The following DHX37 variants were observed in gnomAD, a reference collection of about 807,000 sequenced individuals.
The protein encoded by DHX37 is probable ATP-dependent RNA helicase DHX37.
DHX37 carries 52 observed loss-of-function variants against 134.3 expected under a neutral mutation model. That is an observed-to-expected ratio of 0.39 (90% CI 0.31 to 0.49). The LOEUF (loss-of-function observed/expected upper bound fraction) is 0.49. Among genes scored for constraint, DHX37 ranks in the 20% least tolerant of loss-of-function variants. The pLI is 0.93. For missense variants in DHX37, 1,344 were observed against 1,580.8 expected (o/e 0.85, Z 2.54); for synonymous variants, 634 against 670.7 (o/e 0.95, Z 0.85).
chr12:124,963,665 C>T (rs1254437067), intron 15 of DHX37, among the ~76,000 whole-genome samples: 5 of 149,162 alleles, frequency 3.4e-5, no homozygotes, highest in Admixed American at 6.7e-5. Flanking sequence ...GTCAGGAGAT[C>T]GAGACCATCC....
chr12:124,969,797 C>A (rs923349645), intron 8 of DHX37, among the ~76,000 whole-genome samples: 1 of 151,930 alleles, frequency 6.6e-6, no homozygotes, highest in African/African-American at 2.4e-5. Context: ...CACAGAGTGA[C>A]CATGGTCCAG....
chr12:124,987,299 C>T (rs1047952710), intron 1 of DHX37, among the ~76,000 whole-genome samples: 2 of 152,058 alleles, frequency 1.3e-5, no homozygotes, highest in Admixed American at 6.5e-5. Context: ...GCAGAGATCA[C>T]GCCACTGCAC....
In DHX37 at chr12:124,949,053, C is replaced by T. The variant is rs371304564; in HGVS notation, c.3291-872G>A. Among the ~76,000 whole-genome samples the T allele has an allele frequency of 2.4e-4, 37 of 152,310 alleles. No individual in the cohort carries two copies. Among genetic ancestry groups the T allele is most frequent in the African/African-American group, 8.4e-4 (35 of 41,560 alleles). ...TGAATCTGCCCAGTGAGGCTCTCCC[C>T]GACCAGCCCAGTCGCACTCCACCCC... On this transcript the variant is annotated intron_variant, in intron 25 of 26. Transcript: ENST00000308736. The surrounding 1 kb of genome is among the most constrained non-coding windows in gnomAD (Gnocchi z 4.0).
Position 124,980,877 on chromosome 12 carries a change from C to T in DHX37, c.390-39G>A, listed in dbSNP as rs1954746320. On this transcript the variant is annotated intron_variant, in intron 3 of 26. Transcript: ENST00000308736. The surrounding 1 kb of genome is among the most constrained non-coding windows in gnomAD (Gnocchi z 5.3). ...AGAGACTTCAGGCACAGAGGCCCCA[C>T]CTCAATCCCAGAGGTCAGGACTCCA... is the stretch of plus-strand genomic sequence containing the variant. 4 of 1,534,960 alleles carry T rather than the reference C, an allele frequency of 2.6e-6. No homozygotes were observed. The highest frequency in any genetic ancestry group is 2.7e-5 in the African/African-American group (2 of 72,774).
At chr12:124,982,729 T>C in intron 2 of DHX37, 106 bp from the exon 3 acceptor site, 4 of 1,460,058 alleles carry the variant, frequency 2.7e-6, no homozygotes, top group Non-Finnish European at 2.8e-6. Flanking sequence ...CTGGAGTCTT[T>C]AAAATCGGCG....
chr12:124,976,142 G>C (rs1299430390), intron 5 of DHX37, among the ~76,000 whole-genome samples: 9 of 152,236 alleles, frequency 5.9e-5, no homozygotes, highest in Non-Finnish European at 8.8e-5. Flanking sequence ...GTGGAGGATA[G>C]TTCCTGTGTG....
chr12:124,987,666 C>A (rs1179986397), intron 1 of DHX37, among the ~76,000 whole-genome samples: 1 of 152,228 alleles, frequency 6.6e-6, no homozygotes, highest in Non-Finnish European at 1.5e-5. Flanking sequence ...ATTACCATCT[C>A]CAAAACTCTG....
At chr12:124,969,600 C>T (rs1954474321) in intron 8 of DHX37, among the ~76,000 whole-genome samples, 1 of 151,856 alleles carries the variant, frequency 6.6e-6, no homozygotes, top group Non-Finnish European at 1.5e-5. Context: ...TCCTGATGGC[C>T]CCCAAAGACA....
At chr12:124,966,250 T>C (rs548313838) in intron 12 of DHX37, among the ~76,000 whole-genome samples, 7 of 152,190 alleles carry the variant, frequency 4.6e-5, no homozygotes, top group Non-Finnish European at 7.3e-5. Context: ...GTATTTTTAG[T>C]AGAGACAGGG....
rs755250640 is a variant in DHX37 at position 124,980,654 on chromosome 12, C to T, written c.574G>A (p.Val192Met). 6.2e-7 allele frequency: 1 copy of T among 1,603,740 alleles called. No homozygotes were observed. Among genetic ancestry groups the T allele is most frequent in the Non-Finnish European group, 8.5e-7 (1 of 1,177,314 alleles). The part of the protein sequence containing the change: ...DPAAEPAEAG[V>M]GTTVAPLPPA... Reference sequence around the variant, plus strand: ...GGCAGAGGTGCCACGGTGGTCCCCACACCAGCCTCAGCCGGCTCAGCAGCT... The same window carrying T: ...GGCAGAGGTGCCACGGTGGTCCCCATACCAGCCTCAGCCGGCTCAGCAGCT... The change falls in exon 4 of 27, where the codon GTG (valine) becomes ATG (methionine). Residue 192 changes from valine (V) to methionine (M), a missense_variant. This residue lies in a region of DHX37 where 319 missense variants were observed against 296.1 expected (regional missense o/e 1.08). Transcript: ENST00000308736. The surrounding 1 kb of genome is among the most constrained non-coding windows in gnomAD (Gnocchi z 5.3).
chr12:124,955,269 G>A (rs1287067148), intron 18 of DHX37, among the ~76,000 whole-genome samples: 1 of 152,204 alleles, frequency 6.6e-6, no homozygotes, highest in Non-Finnish European at 1.5e-5. Flanking sequence ...CTGATCCACT[G>A]AGGGCCCAAG....
In DHX37 at chr12:124,989,025, C is replaced by A; in HGVS notation, c.-3G>T. 7.3e-7 allele frequency: 1 copy of A among 1,365,348 alleles called. No homozygotes were observed. Among genetic ancestry groups the A allele is most frequent in the Non-Finnish European group, 9.5e-7 (1 of 1,051,916 alleles). 84.6% of individuals were successfully genotyped at this position (1,365,348 alleles called of 1,614,324 possible). A position where few individuals can be genotyped will look rare whatever the true frequency, so the allele number is the denominator to read the frequency against. ...TAGCGCCGGCGCAGCTTCCCCATGG[C>A]GACTAGGCCAGGGTGGGCGCTCCAG... On this transcript the variant is annotated 5_prime_UTR_variant, in exon 1 of 27. Transcript: ENST00000308736.
At chr12:124,952,756 A>G (rs1954000652) in intron 20 of DHX37, 186 bp from the exon 21 acceptor site, 1 of 460,478 alleles carries the variant, frequency 2.2e-6, no homozygotes, top group East Asian at 3.6e-5. Context: ...CCGCCCCCCC[A>G]TTCCCTCCTT....
chr12:124,980,677 G>C lies in DHX37; in HGVS notation c.551C>G (p.Ala184Gly), dbSNP rs1360241422. The stretch of plus-strand genomic sequence containing the variant: ...CACACCAGCCTCAGCCGGCTCAGCA[G>C]CTGGGTCCTCGTCCAGCTCCGACTC... ...EEESELDEDP[A>G]AEPAEAGVGT... Residue 184 changes from alanine to glycine, a missense_variant, in exon 4 of 27, where the codon GCT becomes GGT. Ala to Gly is a moderately conservative substitution (Grantham distance 60). Around this residue, in one of 7 missense-constraint regions of DHX37, gnomAD observed 319 missense variants for 296.1 expected, o/e 1.08. Coordinates refer to ENST00000308736, the MANE Select transcript of DHX37 (RefSeq NM_032656.4). This position sits in a 1 kb window ranked among gnomAD's most constrained non-coding sequence, Gnocchi z 5.3. The C allele has an allele frequency of 1.3e-6, 2 of 1,594,094 alleles. No homozygotes were observed. The highest frequency in any genetic ancestry group is 1.7e-6 in the Non-Finnish European group (2 of 1,172,062).
chr12:124,968,684 G>T, intron 9 of DHX37, 36 bp from the exon 10 acceptor site: 1 of 1,613,452 alleles, frequency 6.2e-7, no homozygotes. Flanking sequence ...GGAGTGGGGG[G>T]GACACGAGCT....
In DHX37 at chr12:124,968,857, C is replaced by T. The variant is rs749400695; in HGVS notation, c.1293+10G>A. ...TCCAAGCTCACAGAGGACATGGGAC[C>T]CTGTGTTACCTTGATGACCGGCGGC... is the stretch of plus-strand genomic sequence containing the variant. On this transcript the variant is annotated intron_variant, in intron 9 of 26. Transcript: ENST00000308736. The T allele has an allele frequency of 6.2e-7, 1 of 1,613,930 alleles. No individual in the cohort carries two copies. The highest frequency in any genetic ancestry group is 1.7e-5 in the Admixed American group (1 of 60,022).
intron 6 of DHX37, 23 bp downstream of exon 6, chr12:124,975,395 GC>G (rs1954616018): frequency 6.2e-7 from 1 of 1,610,040 alleles, no homozygotes; most frequent in African/African-American, 1.3e-5. Context: ...CCCATAGTCC[GC>G]CCCAGGGAAG....
Position 124,971,374 on chromosome 12 carries a change from C to T in DHX37, c.1119G>A (p.Glu373=). Residue 373 remains glutamate, a synonymous_variant, in exon 8 of 27, where the codon GAG becomes GAA. Transcript: ENST00000308736. ...LLRYKVVIID[E]AHERSVYTDI... is the part of the protein sequence containing the mutation. The stretch of plus-strand genomic sequence containing the variant: ...CCGTGTACACGCTCCTCTCGTGGGC[C>T]TCGTCGATGATCACCACCTTGTACC... 6.2e-7 allele frequency: 1 copy of T among 1,613,456 alleles called. No homozygotes were observed. The highest frequency in any genetic ancestry group is 8.5e-7 in the Non-Finnish European group (1 of 1,180,004).
At position 124,964,757 on chromosome 12, in the gene DHX37, G is replaced by A. The variant is rs967233473; in HGVS notation, c.1813-131C>T. 6 of 1,480,742 alleles carry A rather than the reference G, an allele frequency of 4.1e-6. No individual in the cohort carries two copies. The African/African-American group carries it at 7.1e-5, about 18-fold the overall frequency. 91.7% of individuals were successfully genotyped at this position (1,480,742 alleles called of 1,614,324 possible). A position where few individuals can be genotyped will look rare whatever the true frequency, so the allele number is the denominator to read the frequency against. ...GCAAGGACAAGCCATCCCATCTGGGGCCCAGTGCCTTGGGGGAGGGTTCCC... is the reference window on the plus strand; with the variant it reads ...GCAAGGACAAGCCATCCCATCTGGGACCCAGTGCCTTGGGGGAGGGTTCCC... On this transcript the variant is annotated intron_variant, in intron 14 of 26. Transcript: ENST00000308736.
Sources: allele counts gnomAD v4.1 joint callset (sites outside exome capture counted in the v4.1 genomes callset), GRCh38; gene constraint gnomAD v4.1.1; regional missense constraint gnomAD v4.1.1; non-coding constraint Gnocchi (gnomAD v3.1); transcripts MANE v1.5; gene names NCBI Gene and HGNC (gene_info 2026-07-23, HGNC 2026-07-21).